DNAH10: variants seen among roughly 807,000 people sequenced by gnomAD.
DNAH10 encodes axonemal beta dynein heavy chain 10.
DNAH10 carries 348 observed loss-of-function variants against 506.6 expected under a neutral mutation model. The ratio of observed to expected loss-of-function variants is 0.69; its 90% confidence interval spans 0.63 to 0.75. The LOEUF (loss-of-function observed/expected upper bound fraction) is 0.75, where lower values mean the gene tolerates loss of function less well. Ranked by LOEUF, DNAH10 falls within the 30% of genes least tolerant of loss-of-function variation. DNAH10 has a pLI of 0.00. For missense variants in DNAH10, 5,179 were observed against 5,787.1 expected (o/e 0.89, Z 3.41); for synonymous variants, 2,059 against 2,198.6 (o/e 0.94, Z 1.78).
At chr12:123,777,691 G>A (rs1957491596) in intron 5 of DNAH10, among the ~76,000 whole-genome samples, 1 of 152,052 alleles carries the variant, frequency 6.6e-6, no homozygotes, top group Non-Finnish European at 1.5e-5. Flanking sequence ...TGCCACCTAG[G>A]CTGGAGTGCA....
chr12:123,867,371 T>C (rs1951852245), intron 41 of DNAH10, 96 bp from the exon 42 acceptor site: 1 of 1,325,524 alleles, frequency 7.5e-7, no homozygotes, highest in Admixed American at 2.6e-5. Flanking sequence ...CATCAGAAGA[T>C]GTTGCTCAAC....
intron 30 of DNAH10, among the ~76,000 whole-genome samples, chr12:123,844,386 TA>T (rs1950875462): frequency 6.6e-6 from 1 of 152,094 alleles, no homozygotes; most frequent in Non-Finnish European, 1.5e-5. Flanking sequence ...AAGTGCAGTT[TA>T]GAAAAAAAGC....
chr12:123,930,425 C>G lies in DNAH10; in HGVS notation c.12636C>G (p.Ile4212Met). 2.5e-6 allele frequency: 4 copies of G among 1,589,196 alleles called. No homozygotes were observed. The highest frequency in any genetic ancestry group is 3.4e-6 in the Non-Finnish European group (4 of 1,170,994). ...IGEVMYGGRAIDSFDRRILTI... is the reference protein window; with the variant it reads ...IGEVMYGGRAMDSFDRRILTI... ...AGGTCATGTATGGAGGACGGGCCAT[C>G]GACAGCTTTGATCGCCGCATCCTGA... is the stretch of plus-strand genomic sequence containing the variant. Residue 4212 changes from isoleucine to methionine, a missense_variant, in exon 73 of 79, where the codon ATC (isoleucine) becomes ATG (methionine). By Grantham distance (10) the Ile-to-Met change is conservative. Around this residue, in one of 3 missense-constraint regions of DNAH10, gnomAD observed 4,844 missense variants for 5,430.5 expected, o/e 0.89. Coordinates refer to ENST00000673944, the MANE Select transcript of DNAH10 (RefSeq NM_001372106.1).
At chr12:123,764,158 G>A (rs568397006) in intron 1 of DNAH10, among the ~76,000 whole-genome samples, 23 of 152,298 alleles carry the variant, frequency 1.5e-4, no homozygotes, top group African/African-American at 4.8e-4. Flanking sequence ...GAACCATCGC[G>A]CTTGGCCACC....
intron 54 of DNAH10, among the ~76,000 whole-genome samples, chr12:123,896,719 G>GAAAAAA (rs60387471): frequency 2.2e-5 from 2 of 92,074 alleles, no homozygotes. Flanking sequence ...CCTGTCTCAA[G>GAAAAAA]AAAAAAAAAA....
chr12:123,890,700 G>A (rs1566055616), intron 52 of DNAH10, among the ~76,000 whole-genome samples: 1 of 152,208 alleles, frequency 6.6e-6, no homozygotes, highest in Non-Finnish European at 1.5e-5. Flanking sequence ...TAGGCAGGAA[G>A]TGACAGCGAT....
At position 123,893,348 on chromosome 12, in the gene DNAH10, C is replaced by G; in HGVS notation, c.9111C>G (p.Phe3037Leu). ...CCAAGGAGTCTGTGTGGCAGTACTT[C>G]GTGAACAAAAGTGCAAATAACCTGC... The part of the protein sequence containing the change: ...GPAKESVWQY[F>L]VNKSANNLHI... Residue 3037 changes from phenylalanine (F) to leucine (L), a missense_variant, in exon 53 of 79, where the codon TTC becomes TTG. Physicochemically the swap from Phe to Leu is conservative, Grantham distance 22 (BLOSUM62 0). This residue lies in a region of DNAH10 where 4,844 missense variants were observed against 5,430.5 expected (regional missense o/e 0.89). Transcript: ENST00000673944. The G allele has an allele frequency of 1.2e-6, 2 of 1,614,036 alleles. No individual in the cohort carries two copies. The highest frequency in any genetic ancestry group is 1.7e-6 in the Non-Finnish European group (2 of 1,179,906).
chr12:123,910,917 G>A (rs1299756696), intron 59 of DNAH10, among the ~76,000 whole-genome samples: 1 of 152,092 alleles, frequency 6.6e-6, no homozygotes, highest in Non-Finnish European at 1.5e-5. Flanking sequence ...GTAGTATAAA[G>A]ATGTTCAGAC....
intron 7 of DNAH10, 30 bp downstream of exon 7, chr12:123,783,294 C>T (rs774309947): frequency 1.8e-5 from 29 of 1,609,678 alleles, no homozygotes; most frequent in Non-Finnish European, 2.1e-5. Flanking sequence ...CAGAGAGCCC[C>T]GATCCAGGTC....
In DNAH10 at chr12:123,866,082, T is replaced by A. The variant is rs1951792664; in HGVS notation, c.7167+9T>A. 1.3e-6 allele frequency: 2 copies of A among 1,592,654 alleles called. No individual in the cohort carries two copies. The highest frequency in any genetic ancestry group is 1.7e-6 in the Non-Finnish European group (2 of 1,170,444). On this transcript the variant is annotated intron_variant, in intron 41 of 78. Coordinates refer to ENST00000673944, the MANE Select transcript of DNAH10 (RefSeq NM_001372106.1). Reference sequence around the variant, plus strand: ...ATCAAATACCAAACAAGGTGAAATTTTTTTCTAAAATGAACTTAAATTTAT... The same window carrying A: ...ATCAAATACCAAACAAGGTGAAATTATTTTCTAAAATGAACTTAAATTTAT...
intron 34 of DNAH10, among the ~76,000 whole-genome samples, chr12:123,849,948 A>G (rs1343883476): frequency 2.0e-5 from 3 of 152,136 alleles, no homozygotes; most frequent in Non-Finnish European, 4.4e-5. Context: ...GAGAGAGGGA[A>G]TTAACCTGCA....
intron 50 of DNAH10, among the ~76,000 whole-genome samples, chr12:123,880,788 T>G (rs903743519): frequency 2.1e-5 from 3 of 144,450 alleles, no homozygotes; most frequent in African/African-American, 7.8e-5. Flanking sequence ...CTCCTAATGC[T>G]ATCCCTCCCC....
chr12:123,928,394 T>G lies in DNAH10; in HGVS notation c.12113T>G (p.Leu4038Arg). 1 of 1,598,152 alleles carries G rather than the reference T, an allele frequency of 6.3e-7. No homozygotes were observed. Among genetic ancestry groups the G allele is most frequent in the East Asian group, 2.3e-5 (1 of 44,246 alleles). The change falls in exon 70 of 79, where the codon CTG (leucine) becomes CGG (arginine). Residue 4038 changes from leucine (L) to arginine (R), a missense_variant. Physicochemically the swap from Leu to Arg is moderately radical, Grantham distance 102. This residue lies in a region of DNAH10 where 4,844 missense variants were observed against 5,430.5 expected (regional missense o/e 0.89). Transcript: ENST00000673944. The surrounding 1 kb of genome is among the most constrained non-coding windows in gnomAD (Gnocchi z 4.9). The part of the protein sequence containing the change: ...AMGQGQEKVA[L>R]QLLETAVARG... ...CCCTCTCCCCCGGCGCAGGTGGCCC[T>G]GCAGCTGCTGGAGACGGCGGTGGCT...
At position 123,935,608 on chromosome 12, in the gene DNAH10, A is replaced by T; in HGVS notation, c.*127A>T. 1 of 1,038,028 alleles carries T rather than the reference A, an allele frequency of 9.6e-7. No homozygotes were observed. Among genetic ancestry groups the T allele is most frequent in the Non-Finnish European group, 1.4e-6 (1 of 740,018 alleles). 64.3% of individuals were successfully genotyped at this position (1,038,028 alleles called of 1,614,324 possible). A position where few individuals can be genotyped will look rare whatever the true frequency, so the allele number is the denominator to read the frequency against. On this transcript the variant is annotated 3_prime_UTR_variant, in exon 79 of 79. Transcript: ENST00000673944. ...GACTGACACTGATTTTTCATTTGAA[A>T]TCAGCCACTTAAATCTCTTTCCATA...
intron 13 of DNAH10, among the ~76,000 whole-genome samples, chr12:123,798,733 T>G (rs1440494861): frequency 1.3e-5 from 2 of 148,300 alleles, no homozygotes; most frequent in Admixed American, 6.8e-5. Context: ...ATTTATTATA[T>G]TAACATTTTT....
chr12:123,883,348 A>G (rs912673656), intron 51 of DNAH10, among the ~76,000 whole-genome samples: 2 of 152,232 alleles, frequency 1.3e-5, no homozygotes, highest in Non-Finnish European at 1.5e-5. Flanking sequence ...CTGTTTGTCC[A>G]CACCATTCTT....
intron 39 of DNAH10, among the ~76,000 whole-genome samples, chr12:123,862,358 T>C (rs529211261): frequency 2.0e-4 from 30 of 151,938 alleles, no homozygotes; most frequent in Admixed American, 3.9e-4. Flanking sequence ...TCCTTCTTCT[T>C]CTCCTCCTCC....
In DNAH10 at chr12:123,933,516, C is replaced by T. The variant is rs555426824; in HGVS notation, c.13477+5C>T. 8.8e-5 allele frequency: 140 copies of T among 1,588,510 alleles called. 1 individual carries two copies. Among genetic ancestry groups the T allele is most frequent in the South Asian group, 5.9e-4 (52 of 88,140 alleles). ...TGAATGAGCGGGCGGGACAAGGTAC[C>T]GTCAGCTCGTTAGGGATCCACAGCC... On this transcript the variant is annotated splice_donor_5th_base_variant and intron_variant, in intron 77 of 78. Transcript: ENST00000673944.
intron 52 of DNAH10, among the ~76,000 whole-genome samples, chr12:123,891,273 A>C (rs568599595): frequency 1.3e-5 from 2 of 152,198 alleles, no homozygotes; most frequent in South Asian, 4.1e-4. Flanking sequence ...GTCATATTGC[A>C]TTAGGGCCCA....
Sources: allele counts gnomAD v4.1 joint callset (sites outside exome capture counted in the v4.1 genomes callset), GRCh38; gene constraint gnomAD v4.1.1; regional missense constraint gnomAD v4.1.1; non-coding constraint Gnocchi (gnomAD v3.1); transcripts MANE v1.5; gene names NCBI Gene and HGNC (gene_info 2026-07-23, HGNC 2026-07-21).